Variants in GMPR observed in about 807,000 individuals in gnomAD.
GMPR encodes the protein GMP reductase 1.
Under a neutral mutation model 38.4 loss-of-function variants are expected in GMPR, and 31 were observed. The observed-to-expected ratio is 0.81, with a 90% CI of 0.61 to 1.09. The LOEUF is 1.09. Among genes scored for constraint, GMPR ranks in the 50% least tolerant of loss-of-function variants. GMPR has a pLI of 0.00. For missense variants in GMPR, 468 were observed against 453.7 expected (o/e 1.03, Z -0.29); for synonymous variants, 162 against 173.3 (o/e 0.93, Z 0.51).
At chr6:16,280,716 C>G (rs1278845431) in intron 6 of GMPR, among the ~76,000 whole-genome samples, 1 of 152,150 alleles carries the variant, frequency 6.6e-6, no homozygotes, top group East Asian at 1.9e-4. Context: ...ATCAACATTC[C>G]GGGACCCCAT....
intron 4 of GMPR, 31 bp from the exon 5 acceptor site, chr6:16,274,384 A>G: frequency 1.5e-6 from 2 of 1,350,294 alleles, no homozygotes; most frequent in Non-Finnish European, 2.1e-6. Context: ...ATAGTAGTTC[A>G]TGATCATCAG....
chr6:16,265,790 G>A (rs375275560), intron 4 of GMPR, among the ~76,000 whole-genome samples: 2 of 151,922 alleles, frequency 1.3e-5, no homozygotes, highest in East Asian at 3.9e-4. Flanking sequence ...GCTGGAGCCA[G>A]CCCGGATAAC....
chr6:16,284,054 A>G (rs1759625819), intron 6 of GMPR, among the ~76,000 whole-genome samples: 1 of 152,260 alleles, frequency 6.6e-6, no homozygotes, highest in South Asian at 2.1e-4. Context: ...TGGGCCAGAT[A>G]ACATACGGCA....
intron 4 of GMPR, among the ~76,000 whole-genome samples, chr6:16,264,830 T>C (rs1759158952): frequency 6.6e-6 from 1 of 152,206 alleles, no homozygotes. Context: ...GAACCGGCCA[T>C]CTGGATGTGT....
chr6:16,241,389 C>G (rs1758645863), intron 1 of GMPR, among the ~76,000 whole-genome samples: 1 of 152,328 alleles, frequency 6.6e-6, no homozygotes, highest in South Asian at 2.1e-4. Context: ...CCTGCAAGGA[C>G]ATTTCCACCA....
rs1201984223 is a variant in GMPR at position 16,270,997 on chromosome 6, G to GCTATGTT, written c.466-3418_466-3417insCTATGTT. Among the ~76,000 whole-genome samples, 198 of 152,052 alleles carry GCTATGTT rather than the reference G, an allele frequency of 1.3e-3. 1 individual carries two copies. The highest frequency in any genetic ancestry group is 2.3e-3 in the Non-Finnish European group (154 of 67,986). ...AGGCCAGGAGTTAGAGACCAGCCTG[G>GCTATGTT]GCAACATAGCAAGGCCCTATCTCTG... On this transcript the variant is annotated intron_variant, in intron 4 of 8. Transcript: ENST00000259727.
In GMPR at chr6:16,240,937, G is replaced by T. The variant is rs549047685; in HGVS notation, c.87+2157G>T. Among the ~76,000 whole-genome samples, 73 of 152,074 alleles carry T rather than the reference G, an allele frequency of 4.8e-4. 1 individual carries two copies. The South Asian group carries it at 0.013, about 28-fold the overall frequency. On this transcript the variant is annotated intron_variant, in intron 1 of 8. Transcript: ENST00000259727. ...GTTTAGCTCCCTGATGCGTGAGGCT[G>T]CTGCCTGGCTGGCCACCCCCATGAT...
intron 4 of GMPR, among the ~76,000 whole-genome samples, chr6:16,265,928 T>C (rs1434712071): frequency 3.3e-5 from 5 of 151,990 alleles, no homozygotes; most frequent in Admixed American, 1.3e-4. Context: ...ACTCCTGAAG[T>C]CAGTGAGACC....
intron 2 of GMPR, among the ~76,000 whole-genome samples, chr6:16,247,450 C>T (rs147738335): frequency 2.0e-3 from 302 of 151,862 alleles, no homozygotes; most frequent in Admixed American, 4.1e-3. Context: ...TCTTGGCTCA[C>T]TGCAACATTC....
chr6:16,246,750 A>G (rs1205519901), intron 1 of GMPR, 92 bp from the exon 2 acceptor site: 10 of 1,234,118 alleles, frequency 8.1e-6, no homozygotes, highest in Middle Eastern at 1.9e-4. Context: ...TCTTGTTCCT[A>G]CTCGCTCCAA....
At chr6:16,252,842 A>G (rs1283158047) in intron 3 of GMPR, among the ~76,000 whole-genome samples, 3 of 152,200 alleles carry the variant, frequency 2.0e-5, no homozygotes, top group Non-Finnish European at 2.9e-5. Flanking sequence ...CCCAGGCGTG[A>G]ATGCACAGAG....
chr6:16,279,340 G>A (rs1195801152), intron 6 of GMPR, among the ~76,000 whole-genome samples: 1 of 152,154 alleles, frequency 6.6e-6, no homozygotes, highest in Non-Finnish European at 1.5e-5. Flanking sequence ...TGGTTCCTTA[G>A]CTTGTGGCGT....
intron 4 of GMPR, chr6:16,262,628 T>C: frequency 6.6e-6 from 1 of 152,038 alleles, no homozygotes. Context: ...TAAATCCTGT[T>C]GTGGGGTTTG....
chr6:16,290,226 C>T (rs1204726141), intron 7 of GMPR: 1 of 547,352 alleles, frequency 1.8e-6, no homozygotes, highest in Non-Finnish European at 3.3e-6. Context: ...GTATATGGGA[C>T]ACTAGCCTTC....
chr6:16,290,532 T>TTG lies in GMPR; in HGVS notation c.768_769insTG (p.Glu257TrpfsTer14). 1.2e-6 allele frequency: 2 copies of TTG among 1,613,930 alleles called. No individual in the cohort carries two copies. The highest frequency in any genetic ancestry group is 1.7e-6 in the Non-Finnish European group (2 of 1,179,878). ...ATACGGAGTGTGCTGGAGAAGTGTT[T>TTG]GAGAGGAACGGACGGAAGCTCAAGC... On this transcript the variant is annotated frameshift_variant, in exon 8 of 9. Coordinates refer to ENST00000259727, the MANE Select transcript of GMPR (RefSeq NM_006877.4). LOFTEE classifies it high-confidence loss of function.
At chr6:16,285,574 CAG>C (rs1365622077) in intron 6 of GMPR, among the ~76,000 whole-genome samples, 1 of 152,190 alleles carries the variant, frequency 6.6e-6, no homozygotes, top group Non-Finnish European at 1.5e-5. Context: ...TTCTGACCCA[CAG>C]AGGAAGCCTG....
Position 16,290,508 on chromosome 6 carries a change from T to C in GMPR, c.744T>C (p.His248=), listed in dbSNP as rs1283658146. The C allele has an allele frequency of 1.2e-6, 2 of 1,614,060 alleles. No individual in the cohort carries two copies. Among genetic ancestry groups the C allele is most frequent in the East Asian group, 4.5e-5 (2 of 44,876 alleles). Residue 248 remains histidine (H), a synonymous_variant, in exon 8 of 9, where the codon CAT becomes CAC. Coordinates refer to ENST00000259727, the MANE Select transcript of GMPR (RefSeq NM_006877.4). ...TGCTGGGAGGAATGTTTTCGGGTCATACGGAGTGTGCTGGAGAAGTGTTTG... is the reference window on the plus strand; with the variant it reads ...TGCTGGGAGGAATGTTTTCGGGTCACACGGAGTGTGCTGGAGAAGTGTTTG... The part of the protein sequence containing the change: ...FVMLGGMFSG[H]TECAGEVFER...
chr6:16,254,585 T>G lies in GMPR; in HGVS notation c.315T>G (p.Ser105Arg). Residue 105 changes from serine (S) to arginine (R), a missense_variant, in exon 4 of 9, where the codon AGT (serine) becomes AGG (arginine). Ser to Arg is a moderately radical substitution (Grantham distance 110). Coordinates refer to ENST00000259727, the MANE Select transcript of GMPR (RefSeq NM_006877.4). ...CLQNVAVSSG[S>R]GQNDLEKMTS... ...AGAATGTAGCCGTGAGTTCAGGCAGTGGGCAGAATGATCTGGAAAAGATGA... is the reference window on the plus strand; with the variant it reads ...AGAATGTAGCCGTGAGTTCAGGCAGGGGGCAGAATGATCTGGAAAAGATGA... 6.2e-7 allele frequency: 1 copy of G among 1,614,060 alleles called. No homozygotes were observed.
At chr6:16,257,241 G>A (rs1331697303) in intron 4 of GMPR, among the ~76,000 whole-genome samples, 1 of 152,128 alleles carries the variant, frequency 6.6e-6, no homozygotes, top group Non-Finnish European at 1.5e-5. Flanking sequence ...ATGCCTGGAG[G>A]GTGGCAGACC....
Sources: gnomAD v4.1 joint callset for allele counts (sites outside exome capture counted in the v4.1 genomes callset) on GRCh38, gnomAD v4.1.1 for gene constraint, MANE v1.5 for transcripts, NCBI Gene and HGNC (gene_info 2026-07-23, HGNC 2026-07-21) for gene names.